Variants in ZNG1A observed in about 807,000 individuals in gnomAD.
ZNG1A encodes zinc-regulated GTPase metalloprotein activator 1A.
the ZNG1A span, among the ~76,000 whole-genome samples, chr9:140,913 A>G: frequency 6.9e-6 from 1 of 144,330 alleles, no homozygotes; most frequent in African/African-American, 2.6e-5. Flanking sequence ...TCAGGAGCCG[A>G]TGCGATCAAC....
the ZNG1A span, chr9:154,579 T>G: frequency 3.0e-6 from 2 of 672,210 alleles, no homozygotes; most frequent in Admixed American, 5.5e-5. Flanking sequence ...ACAATATATG[T>G]GATTCCCTAA....
At chr9:170,316 T>C in the ZNG1A span, among the ~76,000 whole-genome samples, 1 of 151,176 alleles carries the variant, frequency 6.6e-6, no homozygotes, top group South Asian at 2.1e-4. Flanking sequence ...GAGAGATCCC[T>C]GGAATAAAAT....
the ZNG1A span, among the ~76,000 whole-genome samples, chr9:155,884 C>A: frequency 1.4e-5 from 2 of 145,622 alleles, no homozygotes; most frequent in Non-Finnish European, 3.0e-5. Flanking sequence ...GCGGGTGGAT[C>A]GAGCTGGTCT....
At chr9:154,947 T>C in the ZNG1A span, 4 of 777,708 alleles carry the variant, frequency 5.1e-6, no homozygotes, top group Admixed American at 3.0e-5. Context: ...TAGTGCTCTA[T>C]AGGAGTGACT....
At chr9:130,942 A>C in the ZNG1A span, among the ~76,000 whole-genome samples, 5 of 113,136 alleles carry the variant, frequency 4.4e-5, no homozygotes, top group Non-Finnish European at 8.9e-5. Context: ...ACCCTGAAAA[A>C]AATCTGTAAT....
the ZNG1A span, among the ~76,000 whole-genome samples, chr9:145,622 G>A: frequency 4.6e-5 from 7 of 150,604 alleles, no homozygotes; most frequent in Non-Finnish European, 1.0e-4. Context: ...TGGGTGCAGC[G>A]CACCAGCATG....
At chr9:161,564 T>C in the ZNG1A span, 2 of 1,286,350 alleles carry the variant, frequency 1.6e-6, no homozygotes, top group African/African-American at 1.5e-5. Flanking sequence ...TCCAAGAACT[T>C]ACTGCTTTGG....
chr9:140,360 C>A, the ZNG1A span, among the ~76,000 whole-genome samples: 1 of 151,160 alleles, frequency 6.6e-6, no homozygotes, highest in Non-Finnish European at 1.5e-5. Context: ...TGACCCCTGA[C>A]CCCCGAGCAG....
At chr9:168,626 G>A in the ZNG1A span, among the ~76,000 whole-genome samples, 3 of 148,806 alleles carry the variant, frequency 2.0e-5, no homozygotes, top group Non-Finnish European at 3.0e-5. Flanking sequence ...CATAGCTATA[G>A]AGAAGTCAAT....
the ZNG1A span, chr9:154,802 T>C: frequency 8.0e-6 from 12 of 1,493,292 alleles, no homozygotes; most frequent in East Asian, 1.4e-4. Context: ...TTGTCTAAAA[T>C]AGCAAACAGA....
At chr9:176,534 AAC>A in the ZNG1A span, among the ~76,000 whole-genome samples, 1 of 152,096 alleles carries the variant, frequency 6.6e-6, no homozygotes, top group Admixed American at 6.5e-5. Flanking sequence ...ATCTTCCTAT[AAC>A]TAGGAAGATT....
At chr9:139,050 G>A in the ZNG1A span, among the ~76,000 whole-genome samples, 1 of 148,756 alleles carries the variant, frequency 6.7e-6, no homozygotes, top group Non-Finnish European at 1.5e-5. Flanking sequence ...ATCTTCTATG[G>A]ACATATACGA....
At chr9:127,702 T>G in the ZNG1A span, among the ~76,000 whole-genome samples, 1 of 152,126 alleles carries the variant, frequency 6.6e-6, no homozygotes, top group Non-Finnish European at 1.5e-5. Flanking sequence ...AGATGTGAGG[T>G]ACCACTCTAT....
the ZNG1A span, chr9:149,429 C>G: frequency 6.6e-6 from 1 of 152,056 alleles, no homozygotes; most frequent in Non-Finnish European, 1.5e-5. Flanking sequence ...TTATCCCTAC[C>G]CTACTCCATC....
chr9:159,954 G>C, the ZNG1A span: 4 of 383,010 alleles, frequency 1.0e-5, no homozygotes, highest in Admixed American at 6.5e-5. Flanking sequence ...TGTTTCAACA[G>C]ATTGTGCAAT....
At chr9:139,359 T>C in the ZNG1A span, among the ~76,000 whole-genome samples, 1 of 149,354 alleles carries the variant, frequency 6.7e-6, no homozygotes, top group Admixed American at 6.6e-5. Context: ...CCAGGGGCTA[T>C]GAAGACAGGG....
the ZNG1A span, among the ~76,000 whole-genome samples, chr9:158,832 T>C: frequency 6.6e-6 from 1 of 152,082 alleles, no homozygotes; most frequent in African/African-American, 2.4e-5. Context: ...AGGAAAGCCA[T>C]ACAAACATTT....
chr9:177,659 G>T, the ZNG1A span: 1 of 1,376,368 alleles, frequency 7.3e-7, no homozygotes, highest in Non-Finnish European at 9.9e-7. Context: ...CAGCAACAAG[G>T]TTGCTGGTAT....
chr9:137,619 G>A, the ZNG1A span, among the ~76,000 whole-genome samples: 1 of 150,892 alleles, frequency 6.6e-6, no homozygotes, highest in Non-Finnish European at 1.5e-5. Context: ...AGAAAAGTTA[G>A]GATGGGCTAG....
Sources: gnomAD v4.1 joint callset for allele counts (sites outside exome capture counted in the v4.1 genomes callset) on GRCh38, gnomAD v4.1.1 for gene constraint, MANE v1.5 for transcripts, NCBI Gene and HGNC (gene_info 2026-07-23, HGNC 2026-07-21) for gene names.